Variants in HCFC1 observed in about 807,000 individuals in gnomAD.
HCFC1 encodes host cell factor C1, also known as host cell factor 1.
In HCFC1, 7 loss-of-function variants were observed where a neutral mutation model predicts 105.5. That is an observed-to-expected ratio of 0.07 (90% CI 0.04 to 0.12). The LOEUF (loss-of-function observed/expected upper bound fraction) is 0.12. HCFC1 is among the 10% of genes least tolerant of loss of function. The pLI, the probability that HCFC1 is intolerant of heterozygous loss-of-function variation, is 1.00. For missense variants in HCFC1, 1,065 were observed against 1,823.6 expected (o/e 0.58, Z 7.58); for synonymous variants, 918 against 828.1 (o/e 1.11, Z -1.86).
chrX:153,971,500 GCTCGCGCCGTACGGCTTGTGAAGT>G lies in HCFC1; in HGVS notation c.-684_-661del, dbSNP rs1213298799. ...TCGAGCTCTCGAGGGCCGTTTGGGG[GCTCGCGCCGTACGGCTTGTGAAGT>G]CTCGCGCCTCTCCCCTTAGTCCGCC... On this transcript the variant is annotated 5_prime_UTR_variant, in exon 1 of 26. Transcript: ENST00000310441. 2 of 293,827 alleles carry G rather than the reference GCTCGCGCCGTACGGCTTGTGAAGT, an allele frequency of 6.8e-6. No homozygotes were observed. The highest frequency in any genetic ancestry group is 2.7e-5 in the African/African-American group (1 of 36,718). The allele number at this position is 293,827 out of a possible 1,213,427, so 24.2% of individuals were successfully genotyped here. A position where few individuals can be genotyped will look rare whatever the true frequency, so the allele number is the denominator to read the frequency against.
rs781844485 is a variant in HCFC1 at position 153,952,407 on chromosome X, T to C, written c.4942+107A>G. ...CTGTGCTCGTCCTCCCCATCACATCTGGCTCATGCCACCCTCGAGGGAAAT... is the reference window on the plus strand; with the variant it reads ...CTGTGCTCGTCCTCCCCATCACATCCGGCTCATGCCACCCTCGAGGGAAAT... On this transcript the variant is annotated intron_variant, in intron 19 of 25. Transcript: ENST00000310441. 2.0e-4 allele frequency: 185 copies of C among 938,683 alleles called. No homozygotes were observed. In the Admixed American group the frequency reaches 3.9e-3, roughly 20 times the overall value. The allele number at this position is 938,683 out of a possible 1,213,427, so 77.4% of individuals were successfully genotyped here. A position where few individuals can be genotyped will look rare whatever the true frequency, so the allele number is the denominator to read the frequency against.
Position 153,971,626 on chromosome X carries a change from C to T in HCFC1, c.-786G>A, listed in dbSNP as rs1296225871. On this transcript the variant is annotated 5_prime_UTR_variant, in exon 1 of 26. Coordinates refer to ENST00000310441, the MANE Select transcript of HCFC1 (RefSeq NM_005334.3). The stretch of plus-strand genomic sequence containing the variant: ...GCTCCCCGTTCCCCCCTATTCTCTT[C>T]CTCCTAGGTCAGTTCTTCCACTGCA... The T allele has an allele frequency of 1.4e-5, 4 of 293,778 alleles. No individual in the cohort carries two copies. The highest frequency in any genetic ancestry group is 1.1e-4 in the African/African-American group (4 of 36,539). The allele number at this position is 293,778 out of a possible 1,213,427, so 24.2% of individuals were successfully genotyped here.
chrX:153,952,002 AGCT>A lies in HCFC1; in HGVS notation c.5096_5098del (p.Gln1699del), dbSNP rs782149930. 8.4e-6 allele frequency: 10 copies of A among 1,196,962 alleles called. No individual in the cohort carries two copies. The highest frequency in any genetic ancestry group is 6.7e-5 in the Admixed American group (3 of 44,741). ...CTGCTGCTGGGCCTGGGCCTCCTGC[AGCT>A]GCTGCTGCTGCACCAGGGCAGCCAG... On this transcript the variant is annotated inframe_deletion, in exon 20 of 26. Coordinates refer to ENST00000310441, the MANE Select transcript of HCFC1 (RefSeq NM_005334.3).
chrX:153,966,887 C>T (rs782424345), intron 1 of HCFC1, among the ~76,000 whole-genome samples: 3 of 112,621 alleles, frequency 2.7e-5, no homozygotes, highest in Admixed American at 9.3e-5. Flanking sequence ...CAGTGGGCAG[C>T]TTTCCTATCA....
At position 153,959,841 on chromosome X, in the gene HCFC1, C is replaced by T; in HGVS notation, c.1405G>A (p.Gly469Ser). 1 of 1,183,946 alleles carries T rather than the reference C, an allele frequency of 8.4e-7. No individual in the cohort carries two copies. The highest frequency in any genetic ancestry group is 1.7e-5 in the African/African-American group (1 of 57,296). ...TTIQVLPTVP[G>S]SSISVPTAAR... ...GCGGTGGGCACAGAAATGGAGCTGCCAGGCACCGTTGGCAAGACCTGGATG... is the reference window on the plus strand; with the variant it reads ...GCGGTGGGCACAGAAATGGAGCTGCTAGGCACCGTTGGCAAGACCTGGATG... Residue 469 changes from glycine (G) to serine (S), a missense_variant, in exon 8 of 26, where the codon GGC becomes AGC. By Grantham distance (56) the Gly-to-Ser change is moderately conservative. Transcript: ENST00000310441.
intron 13 of HCFC1, 125 bp from the exon 14 acceptor site, chrX:153,957,185 C>A: frequency 1.0e-6 from 1 of 972,160 alleles, no homozygotes. Context: ...TACCCTTAGA[C>A]ACAAAAGGCA....
Position 153,948,773 on chromosome X carries a change from G to A in HCFC1, c.*574C>T. 1 of 112,256 alleles carries A rather than the reference G, an allele frequency of 8.9e-6. No individual in the cohort carries two copies. Among genetic ancestry groups the A allele is most frequent in the Non-Finnish European group, 1.9e-5 (1 of 53,112 alleles). The allele number at this position is 112,256 out of a possible 1,213,427, so 9.3% of individuals were successfully genotyped here. A position where few individuals can be genotyped will look rare whatever the true frequency, so the allele number is the denominator to read the frequency against. On this transcript the variant is annotated 3_prime_UTR_variant, in exon 26 of 26. Transcript: ENST00000310441. ...TTAAAATGGGAAAGAAGAGGGGGAG[G>A]GTAGAAGAGGTGGGAGCACAAAGGC...
intron 9 of HCFC1, 94 bp from the exon 10 acceptor site, chrX:153,958,860 G>C: frequency 1.6e-6 from 1 of 640,305 alleles, no homozygotes; most frequent in South Asian, 3.4e-5. Flanking sequence ...GGGCTGCCCT[G>C]CTCTTGGGAG....
chrX:153,964,375 G>A (rs1354473429), intron 2 of HCFC1, 91 bp from the exon 3 acceptor site: 6 of 969,750 alleles, frequency 6.2e-6, no homozygotes, highest in African/African-American at 2.0e-5. Flanking sequence ...GGAAATGGCC[G>A]GGGGTGAGCG....
At position 153,971,432 on chromosome X, in the gene HCFC1, A is replaced by C. The variant is rs1351638157; in HGVS notation, c.-592T>G. On this transcript the variant is annotated 5_prime_UTR_variant, in exon 1 of 26. Coordinates refer to ENST00000310441, the MANE Select transcript of HCFC1 (RefSeq NM_005334.3). ...CCGCCGCTCCCGAAACAGCCTCGAC[A>C]CACCTAACGAATGGAGGCGGGCCGG... 1 of 293,500 alleles carries C rather than the reference A, an allele frequency of 3.4e-6. No homozygotes were observed. Among genetic ancestry groups the C allele is most frequent in the Non-Finnish European group, 5.9e-6 (1 of 168,354 alleles). 24.2% of individuals were successfully genotyped at this position (293,500 alleles called of 1,213,427 possible). A position where few individuals can be genotyped will look rare whatever the true frequency, so the allele number is the denominator to read the frequency against.
chrX:153,967,567 T>C (rs1047613342), intron 1 of HCFC1, among the ~76,000 whole-genome samples: 2 of 112,059 alleles, frequency 1.8e-5, no homozygotes, highest in Non-Finnish European at 3.8e-5. Flanking sequence ...AGGACACCGA[T>C]CTTGTGCTCA....
chrX:153,953,457 GCAGGCACC>G, intron 18 of HCFC1, 142 bp downstream of exon 18: 1 of 529,896 alleles, frequency 1.9e-6, no homozygotes, highest in Admixed American at 3.6e-5. Context: ...TCCTGCCGCA[GCAGGCACC>G]GAGGCTGCCC....
In HCFC1 at chrX:153,957,277, G is replaced by A. The variant is rs782311201; in HGVS notation, c.2353+37C>T. ...CGGACTCCATTTCCCCTCCAGTGAG[G>A]ACTTGCAGACACTCATATGTCGGGG... On this transcript the variant is annotated intron_variant, in intron 13 of 25. Transcript: ENST00000310441. 1.2e-5 allele frequency: 13 copies of A among 1,104,490 alleles called. No individual in the cohort carries two copies. In the South Asian group the frequency reaches 2.2e-4, roughly 19 times the overall value. The allele number at this position is 1,104,490 out of a possible 1,213,427, so 91.0% of individuals were successfully genotyped here. A position where few individuals can be genotyped will look rare whatever the true frequency, so the allele number is the denominator to read the frequency against.
chrX:153,953,504 C>T lies in HCFC1; in HGVS notation c.4497+103G>A, dbSNP rs782239754. ...TATGGTCCGGAAAAGGGACCAGGAGCGGCCCCATGCCTGGTACAAGAGCGA... is the reference window on the plus strand; with the variant it reads ...TATGGTCCGGAAAAGGGACCAGGAGTGGCCCCATGCCTGGTACAAGAGCGA... On this transcript the variant is annotated intron_variant, in intron 18 of 25. Coordinates refer to ENST00000310441, the MANE Select transcript of HCFC1 (RefSeq NM_005334.3). 904 of 834,122 alleles carry T rather than the reference C, an allele frequency of 1.1e-3. 2 individuals carry two copies. The highest frequency in any genetic ancestry group is 1.4e-3 in the Non-Finnish European group (798 of 587,751). 68.7% of individuals were successfully genotyped at this position (834,122 alleles called of 1,213,427 possible).
chrX:153,971,219 C>G lies in HCFC1; in HGVS notation c.-379G>C. ...CCCTTCCTCAGTCGTAGCCCTCCCC[C>G]GCCGGAAATGGCGGAGCCCCGGCCC... On this transcript the variant is annotated 5_prime_UTR_variant, in exon 1 of 26. Transcript: ENST00000310441. The G allele has an allele frequency of 3.2e-6, 1 of 308,699 alleles. No individual in the cohort carries two copies. 25.4% of individuals were successfully genotyped at this position (308,699 alleles called of 1,213,427 possible). A position where few individuals can be genotyped will look rare whatever the true frequency, so the allele number is the denominator to read the frequency against.
chrX:153,970,816 TGGC>T lies in HCFC1; in HGVS notation c.22_24del (p.Ala8del), dbSNP rs1557119926. The T allele has an allele frequency of 4.3e-6, 5 of 1,167,797 alleles. No homozygotes were observed. The highest frequency in any genetic ancestry group is 5.6e-5 in the Admixed American group (2 of 35,608). The stretch of plus-strand genomic sequence containing the variant: ...GGCTGCAGAAGCACCGCTGGCAAGT[TGGC>T]GGGCGACACGGCCGAAGCCATAGTT... On this transcript the variant is annotated inframe_deletion, in exon 1 of 26. Transcript: ENST00000310441.
chrX:153,961,099 C>T (rs1399045444), intron 6 of HCFC1, among the ~76,000 whole-genome samples: 2 of 112,956 alleles, frequency 1.8e-5, no homozygotes, highest in African/African-American at 6.4e-5. Flanking sequence ...TGCTGCGGGG[C>T]AGGGACGTGG....
chrX:153,949,562 G>C lies in HCFC1; in HGVS notation c.6059C>G (p.Ser2020Cys), dbSNP rs782274616. The change falls in exon 25 of 26, where the codon TCT (serine) becomes TGT (cysteine). Residue 2020 changes from serine (S) to cysteine (C), a missense_variant. Ser to Cys is a moderately radical substitution (Grantham distance 112, BLOSUM62 -1). Around this residue, in one of 17 missense-constraint regions of HCFC1, gnomAD observed 18 missense variants for 28.8 expected, o/e 0.62. Coordinates refer to ENST00000310441, the MANE Select transcript of HCFC1 (RefSeq NM_005334.3). The stretch of plus-strand genomic sequence containing the variant: ...GGGGCTTCCTGCTTACATTTCTGGA[G>C]AGGACATGGGCCGCTTGTTGGCTGG... ...TKPANKRPMS[S>C]PEMKSAPKKS... 1 of 1,210,739 alleles carries C rather than the reference G, an allele frequency of 8.3e-7. No individual in the cohort carries two copies.
intron 19 of HCFC1, 35 bp from the exon 20 acceptor site, chrX:153,952,193 G>C: frequency 9.2e-7 from 1 of 1,085,991 alleles, no homozygotes; most frequent in Non-Finnish European, 1.2e-6. Flanking sequence ...TACTTACTAG[G>C]AAGGCTGGCC....
Sources: allele counts gnomAD v4.1 joint callset (sites outside exome capture counted in the v4.1 genomes callset), GRCh38; gene constraint gnomAD v4.1.1; regional missense constraint gnomAD v4.1.1; transcripts MANE v1.5; gene names NCBI Gene and HGNC (gene_info 2026-07-23, HGNC 2026-07-21).